UBE4B: variants seen among roughly 807,000 people sequenced by gnomAD.
The protein encoded by UBE4B is ubiquitin conjugation factor E4 B.
In UBE4B, 27 loss-of-function variants were observed where a neutral mutation model predicts 148.1. That is an observed-to-expected ratio of 0.18 (90% CI 0.13 to 0.25). The LOEUF is 0.25. Ranked by LOEUF, UBE4B falls within the 10% of genes least tolerant of loss-of-function variation. The pLI is 1.00. For synonymous variants in UBE4B, 596 were observed against 619.3 expected, an observed-to-expected ratio of 0.96 and a Z score of 0.56; for missense variants, 1,170 against 1,662.4, an observed-to-expected ratio of 0.70 and a Z score of 5.15.
Position 10,126,931 on chromosome 1 carries a change from T to C in UBE4B, c.1638+54T>C, listed in dbSNP as rs1330975196. On this transcript the variant is annotated intron_variant, in intron 11 of 27. Transcript: ENST00000343090. ...ATTCAATAGATGTTTTTCTTTCAGA[T>C]TATTTTGACATATACTTTTCTTTCA... The C allele has an allele frequency of 3.4e-6, 5 of 1,463,816 alleles. No individual in the cohort carries two copies. The African/African-American group carries it at 5.6e-5, about 16-fold the overall frequency. The allele number at this position is 1,463,816 out of a possible 1,614,324, so 90.7% of individuals were successfully genotyped here.
At chr1:10,151,606 G>T (rs1222064947) in intron 21 of UBE4B, 45 bp downstream of exon 21, 3 of 1,545,620 alleles carry the variant, frequency 1.9e-6, no homozygotes, top group Non-Finnish European at 2.7e-6. Context: ...GCCAACTTAG[G>T]TAAGGTCATC....
intron 1 of UBE4B, among the ~76,000 whole-genome samples, chr1:10,043,314 T>C (rs548229722): frequency 6.6e-6 from 1 of 151,610 alleles, no homozygotes; most frequent in Non-Finnish European, 1.5e-5. Context: ...CGGCCAACTT[T>C]CAGTAAAAAC....
At chr1:10,065,670 T>C (rs372260521) in intron 1 of UBE4B, among the ~76,000 whole-genome samples, 36 of 152,188 alleles carry the variant, frequency 2.4e-4, no homozygotes, top group African/African-American at 8.4e-4. Context: ...GAAGACGTTA[T>C]GGAGCAGGGC....
intron 23 of UBE4B, among the ~76,000 whole-genome samples, chr1:10,162,714 A>G (rs2102013088): frequency 6.7e-6 from 1 of 148,318 alleles, no homozygotes; most frequent in African/African-American, 2.5e-5. Flanking sequence ...CTGAGGCTTT[A>G]TGATTCAGCC....
intron 2 of UBE4B, among the ~76,000 whole-genome samples, chr1:10,087,379 A>G (rs1449478244): frequency 6.6e-6 from 1 of 152,218 alleles, no homozygotes; most frequent in Non-Finnish European, 1.5e-5. Context: ...CCCTTCATCC[A>G]GTCTCCCCTA....
At chr1:10,103,146 T>C in intron 5 of UBE4B, 54 bp downstream of exon 5, 1 of 1,508,696 alleles carries the variant, frequency 6.6e-7, no homozygotes, top group East Asian at 2.3e-5. Flanking sequence ...GAAAATAAGA[T>C]GTGAGATCTT....
intron 23 of UBE4B, among the ~76,000 whole-genome samples, chr1:10,162,489 G>A (rs1181898003): frequency 6.6e-6 from 1 of 151,044 alleles, no homozygotes; most frequent in Non-Finnish European, 1.5e-5. Context: ...TGTATTTTTA[G>A]TAGTGACGGG....
chr1:10,094,726 A>G (rs1461227324), intron 2 of UBE4B, among the ~76,000 whole-genome samples: 5 of 151,932 alleles, frequency 3.3e-5, no homozygotes, highest in Non-Finnish European at 5.9e-5. Context: ...GAGCCACCAC[A>G]CCCAGCCTCA....
chr1:10,074,179 C>T (rs1174016168), intron 2 of UBE4B, among the ~76,000 whole-genome samples: 1 of 152,000 alleles, frequency 6.6e-6, no homozygotes, highest in Non-Finnish European at 1.5e-5. Context: ...TCAGTCATCA[C>T]ATCCATCTGC....
chr1:10,119,447 A>G, intron 8 of UBE4B, 66 bp from the exon 9 acceptor site: 1 of 1,539,428 alleles, frequency 6.5e-7, no homozygotes, highest in Non-Finnish European at 8.9e-7. Context: ...TTTAACTCTT[A>G]TTTTTAACAG....
chr1:10,132,730 G>A (rs1387971091), intron 15 of UBE4B, among the ~76,000 whole-genome samples: 3 of 152,160 alleles, frequency 2.0e-5, no homozygotes, highest in African/African-American at 7.2e-5. Flanking sequence ...AAGAACTGTA[G>A]GTACCAGAAG....
intron 1 of UBE4B, among the ~76,000 whole-genome samples, chr1:10,069,593 G>A (rs145914083): frequency 2.2e-4 from 34 of 152,200 alleles, no homozygotes; most frequent in Non-Finnish European, 4.1e-4. Flanking sequence ...GGAGTGCAGC[G>A]GTGCGATATT....
chr1:10,121,768 A>T (rs1645415283), intron 9 of UBE4B, among the ~76,000 whole-genome samples, 194 bp from the exon 10 acceptor site: 2 of 152,116 alleles, frequency 1.3e-5, no homozygotes, highest in Admixed American at 1.3e-4. Flanking sequence ...AAATTCCCAT[A>T]GTGTCTCATT....
intron 1 of UBE4B, among the ~76,000 whole-genome samples, chr1:10,053,238 T>A (rs1470828676): frequency 6.7e-6 from 1 of 149,340 alleles, no homozygotes; most frequent in Non-Finnish European, 1.5e-5. Flanking sequence ...AAGCTCCACC[T>A]CCCAGGTTCA....
At position 10,072,106 on chromosome 1, in the gene UBE4B, G is replaced by A; in HGVS notation, c.103G>A (p.Glu35Lys). 3 of 1,613,442 alleles carry A rather than the reference G, an allele frequency of 1.9e-6. No individual in the cohort carries two copies. The highest frequency in any genetic ancestry group is 2.5e-6 in the Non-Finnish European group (3 of 1,179,770). ...CACCCCACTCACCTCTCCCCAGAGGGAGAACCCTCCGGGGCCTCCCATAGC... is the reference window on the plus strand; with the variant it reads ...CACCCCACTCACCTCTCCCCAGAGGAAGAACCCTCCGGGGCCTCCCATAGC... ...PTTPLTSPQR[E>K]NPPGPPIAAS... The change falls in exon 2 of 28, where the codon GAG becomes AAG. Residue 35 changes from glutamate (E) to lysine (K), a missense_variant. Transcript: ENST00000343090.
intron 25 of UBE4B, among the ~76,000 whole-genome samples, chr1:10,174,495 G>GT (rs1247151094): frequency 6.6e-6 from 1 of 151,762 alleles, no homozygotes; most frequent in African/African-American, 2.4e-5. Context: ...GAGGTCAGGA[G>GT]TTTGAGACCA....
intron 2 of UBE4B, among the ~76,000 whole-genome samples, chr1:10,088,004 G>A (rs1356188512): frequency 6.6e-6 from 1 of 152,126 alleles, no homozygotes; most frequent in Admixed American, 6.6e-5. Flanking sequence ...TATTTTACAG[G>A]AATTATTCCA....
chr1:10,137,959 G>C (rs1570961090), intron 17 of UBE4B, among the ~76,000 whole-genome samples: 1 of 120,874 alleles, frequency 8.3e-6, no homozygotes. Flanking sequence ...TTTTGAGACG[G>C]AGTCTCGCTC....
At position 10,126,843 on chromosome 1, in the gene UBE4B, C is replaced by T. The variant is rs1645507575; in HGVS notation, c.1604C>T (p.Ser535Phe). ...CTGGCTCTTGCTGCCAAAGAGTGCT[C>T]CCTCGACAGTGACTACTTTAAATAC... ...QGLALAAKEC[S>F]LDSDYFKYPL... The change falls in exon 11 of 28, where the codon TCC (serine) becomes TTC (phenylalanine). Residue 535 changes from serine to phenylalanine, a missense_variant. Physicochemically the swap from Ser to Phe is radical, Grantham distance 155 (BLOSUM62 -2). Coordinates refer to ENST00000343090, the MANE Select transcript of UBE4B (RefSeq NM_001105562.3). The T allele has an allele frequency of 6.2e-7, 1 of 1,614,034 alleles. No individual in the cohort carries two copies. The highest frequency in any genetic ancestry group is 8.5e-7 in the Non-Finnish European group (1 of 1,179,966).
Sources: allele counts gnomAD v4.1 joint callset (sites outside exome capture counted in the v4.1 genomes callset), GRCh38; gene constraint gnomAD v4.1.1; transcripts MANE v1.5; gene names NCBI Gene and HGNC (gene_info 2026-07-23, HGNC 2026-07-21).